WWC1: variants seen among roughly 807,000 people sequenced by gnomAD.
The protein encoded by WWC1 is WW and C2 domain containing 1, also known as protein KIBRA.
A neutral mutation model predicts 138.4 loss-of-function variants in WWC1; 55 were observed. That is an observed-to-expected ratio of 0.40 (90% CI 0.32 to 0.50). WWC1 has a LOEUF of 0.50. WWC1 is among the 20% of genes least tolerant of loss of function. WWC1 has a pLI of 0.72. For missense variants in WWC1, 1,226 were observed against 1,420.4 expected (o/e 0.86, Z 2.20); for synonymous variants, 524 against 564.9 (o/e 0.93, Z 1.03).
At chr5:168,441,331 G>GTAGA (rs1257429973) in intron 15 of WWC1, among the ~76,000 whole-genome samples, 21 of 152,224 alleles carry the variant, frequency 1.4e-4, no homozygotes, top group Admixed American at 1.4e-3. Flanking sequence ...AGAATGTTCA[G>GTAGA]TAGATCTCTT....
At chr5:168,295,434 CAATT>C (rs1398619143) in intron 1 of WWC1, among the ~76,000 whole-genome samples, 1 of 150,926 alleles carries the variant, frequency 6.6e-6, no homozygotes, top group Non-Finnish European at 1.5e-5. Context: ...TATATCCCTG[CAATT>C]AATTAATGCT....
At chr5:168,362,437 C>G (rs1456121682) in intron 1 of WWC1, among the ~76,000 whole-genome samples, 2 of 152,178 alleles carry the variant, frequency 1.3e-5, no homozygotes, top group Non-Finnish European at 2.9e-5. Flanking sequence ...GAGTCTGGCT[C>G]CAGAGCCCTC....
chr5:168,393,519 A>C (rs1445755285), intron 3 of WWC1, among the ~76,000 whole-genome samples: 1 of 152,206 alleles, frequency 6.6e-6, no homozygotes, highest in East Asian at 1.9e-4. Context: ...ATATCCAGCA[A>C]AACTACCTTT....
intron 8 of WWC1, 86 bp downstream of exon 8, chr5:168,410,081 A>G: frequency 1.6e-6 from 2 of 1,282,308 alleles, no homozygotes; most frequent in African/African-American, 1.5e-5. Context: ...AGCTTTTCAC[A>G]CACTTCGTCT....
At chr5:168,371,226 G>T (rs116316249) in intron 1 of WWC1, among the ~76,000 whole-genome samples, 198 bp from the exon 2 acceptor site, 2 of 152,306 alleles carry the variant, frequency 1.3e-5, no homozygotes, top group African/African-American at 4.8e-5. Context: ...TCCCACACAG[G>T]GTGATCTTAT....
At chr5:168,301,940 T>G (rs1770127099) in intron 1 of WWC1, among the ~76,000 whole-genome samples, 1 of 152,104 alleles carries the variant, frequency 6.6e-6, no homozygotes, top group Non-Finnish European at 1.5e-5. Context: ...GCAAACCACC[T>G]TGGCAGCACT....
intron 1 of WWC1, among the ~76,000 whole-genome samples, chr5:168,319,415 C>T (rs1771873582): frequency 6.6e-6 from 1 of 152,144 alleles, no homozygotes; most frequent in South Asian, 2.1e-4. Flanking sequence ...GACTTCATCT[C>T]AAAAATAAAT....
At chr5:168,400,744 T>C (rs1168222649) in intron 5 of WWC1, among the ~76,000 whole-genome samples, 1 of 151,768 alleles carries the variant, frequency 6.6e-6, no homozygotes, top group Non-Finnish European at 1.5e-5. Flanking sequence ...AGCCTGTGAG[T>C]TGGAGGTTGC....
At chr5:168,392,413 C>A (rs548909130) in intron 3 of WWC1, among the ~76,000 whole-genome samples, 7 of 152,278 alleles carry the variant, frequency 4.6e-5, no homozygotes, top group Admixed American at 3.3e-4. Flanking sequence ...TATGCTGTGG[C>A]CAGGCGCTCA....
intron 13 of WWC1, among the ~76,000 whole-genome samples, chr5:168,429,396 T>A (rs1781768356): frequency 6.6e-6 from 1 of 151,652 alleles, no homozygotes; most frequent in South Asian, 2.1e-4. Context: ...GTAGCTGGGA[T>A]TACAGGTGTG....
Position 168,374,092 on chromosome 5 carries a change from A to C in WWC1, c.229+2559A>C, listed in dbSNP as rs987804558. Reference sequence around the variant, plus strand: ...GAGAGAGGTATAGCACAATATAATCAAACAACAATTCGCTCATACATTCAC... The same window carrying C: ...GAGAGAGGTATAGCACAATATAATCCAACAACAATTCGCTCATACATTCAC... On this transcript the variant is annotated intron_variant, in intron 2 of 22. Coordinates refer to ENST00000265293, the MANE Select transcript of WWC1 (RefSeq NM_015238.3). Among the ~76,000 whole-genome samples, 87 of 151,942 alleles carry C rather than the reference A, an allele frequency of 5.7e-4. 1 individual carries two copies. The highest frequency in any genetic ancestry group is 3.2e-3 in the Middle Eastern group (1 of 316).
chr5:168,371,541 C>A lies in WWC1; in HGVS notation c.229+8C>A. ...TCATAGACCACAACACCAGTAAGTT[C>A]CCGACGGTCCTCCCTTCCCTGTGCC... is the stretch of plus-strand genomic sequence containing the variant. On this transcript the variant is annotated splice_region_variant and intron_variant, in intron 2 of 22. Coordinates refer to ENST00000265293, the MANE Select transcript of WWC1 (RefSeq NM_015238.3). 1 of 1,602,826 alleles carries A rather than the reference C, an allele frequency of 6.2e-7. No individual in the cohort carries two copies. The highest frequency in any genetic ancestry group is 8.5e-7 in the Non-Finnish European group (1 of 1,170,166).
chr5:168,423,687 C>T lies in WWC1; in HGVS notation c.1429C>T (p.Leu477=). Residue 477 remains leucine, a synonymous_variant, in exon 11 of 23, where the codon CTG becomes TTG. Transcript: ENST00000265293. ...YDPFEQLDSE[L]QSKVEFLLLE... is the part of the protein sequence containing the mutation. Reference sequence around the variant, plus strand: ...CCCCTTTGAGCAGCTGGACTCAGAGCTGCAGAGCAAGGTGGAGTTCCTGCT... The same window carrying T: ...CCCCTTTGAGCAGCTGGACTCAGAGTTGCAGAGCAAGGTGGAGTTCCTGCT... The T allele has an allele frequency of 2.5e-6, 4 of 1,614,224 alleles. No individual in the cohort carries two copies. In the South Asian group the frequency reaches 3.3e-5, roughly 13 times the overall value.
chr5:168,297,710 G>A (rs540294847), intron 1 of WWC1, among the ~76,000 whole-genome samples: 12 of 150,482 alleles, frequency 8.0e-5, no homozygotes, highest in African/African-American at 2.9e-4. Flanking sequence ...TGCCAACCTC[G>A]AGTCTAGTAA....
Position 168,330,642 on chromosome 5 carries a change from C to T in WWC1, c.119+38371C>T, listed in dbSNP as rs560137649. Among the ~76,000 whole-genome samples the T allele has an allele frequency of 5.9e-5, 9 of 152,230 alleles. No homozygotes were observed. The East Asian group carries it at 1.7e-3, about 29-fold the overall frequency. On this transcript the variant is annotated intron_variant, in intron 1 of 22. Coordinates refer to ENST00000265293, the MANE Select transcript of WWC1 (RefSeq NM_015238.3). The stretch of plus-strand genomic sequence containing the variant: ...CTAAGACCTCCCCCCATCCTACATG[C>T]ACTCATTCTTCTCTTTCCTCTGTTA...
intron 1 of WWC1, among the ~76,000 whole-genome samples, chr5:168,317,569 C>T (rs749992349): frequency 6.6e-5 from 10 of 152,144 alleles, no homozygotes; most frequent in African/African-American, 1.9e-4. Context: ...CCAGGACTTC[C>T]CCCACCAAGG....
At chr5:168,409,885 C>T (rs1780092019) in intron 7 of WWC1, 37 bp from the exon 8 acceptor site, 1 of 1,611,084 alleles carries the variant, frequency 6.2e-7, no homozygotes, top group Non-Finnish European at 8.5e-7. Flanking sequence ...CCGGCCACAA[C>T]AGCCACATAA....
intron 1 of WWC1, among the ~76,000 whole-genome samples, chr5:168,314,208 T>C (rs183859102): frequency 7.3e-6 from 1 of 136,094 alleles, no homozygotes; most frequent in Admixed American, 7.7e-5. Context: ...AACTGGAGTC[T>C]ACAATAAGTT....
At position 168,336,308 on chromosome 5, in the gene WWC1, C is replaced by T. The variant is rs138596540; in HGVS notation, c.120-35116C>T. 6.6e-4 allele frequency among the ~76,000 whole-genome samples: 101 copies of T among 152,150 alleles called. 1 individual carries two copies. The highest frequency in any genetic ancestry group is 2.3e-3 in the African/African-American group (97 of 41,502). ...ATACCCGGCCAGCCACGGTGGCTCA[C>T]GCCTGTAATCCCAGCACCTTGGGAG... is the stretch of plus-strand genomic sequence containing the variant. On this transcript the variant is annotated intron_variant, in intron 1 of 22. Transcript: ENST00000265293.
Sources: gnomAD v4.1 joint callset for allele counts (sites outside exome capture counted in the v4.1 genomes callset) on GRCh38, gnomAD v4.1.1 for gene constraint, MANE v1.5 for transcripts, NCBI Gene and HGNC (gene_info 2026-07-23, HGNC 2026-07-21) for gene names.